OR3A3: variants seen among roughly 807,000 people sequenced by gnomAD.
OR3A3 encodes olfactory receptor family 3 subfamily A member 3.
For missense variants in OR3A3, 275 were observed against 391.4 expected (o/e 0.70, Z 2.51); for synonymous variants, 103 against 163.9 (o/e 0.63, Z 2.84).
At chr17:3,419,341 T>C (rs930674830) in intron 2 of OR3A3, among the ~76,000 whole-genome samples, 1 of 152,240 alleles carries the variant, frequency 6.6e-6, no homozygotes, top group Non-Finnish European at 1.5e-5. Flanking sequence ...CAATATTTTC[T>C]AGTTTCTCTG....
intron 2 of OR3A3, among the ~76,000 whole-genome samples, chr17:3,413,967 C>T (rs67283590): frequency 0.58 from 87,618 of 152,002 alleles, 26,541 homozygotes; most frequent in East Asian, 0.87. Flanking sequence ...ATTTGGAAGG[C>T]TGGTCATCGA....
At chr17:3,419,866 C>T (rs1017526580) in intron 2 of OR3A3, among the ~76,000 whole-genome samples, 3 of 151,478 alleles carry the variant, frequency 2.0e-5, no homozygotes, top group East Asian at 1.9e-4. Context: ...CCCAGGTTCA[C>T]GCCATTCTCC....
chr17:3,412,352 T>A (rs906713923), intron 2 of OR3A3, among the ~76,000 whole-genome samples, 181 bp downstream of exon 2: 19 of 147,140 alleles, frequency 1.3e-4, no homozygotes, highest in African/African-American at 4.3e-4. Context: ...TGCTCGCCTC[T>A]CTCAGATGAA....
At chr17:3,421,330 A>C (rs754063780) in exon 3 of OR3A3, 1 of 1,613,972 alleles carries the variant, frequency 6.2e-7, no homozygotes, top group African/African-American at 1.3e-5. Context: ...CTCCCACCTC[A>C]CTGTGGTGGG....
chr17:3,422,295 A>C (rs7212081), exon 3 of OR3A3: 69,602 of 151,620 alleles, frequency 0.46, 17,233 homozygotes, highest in Non-Finnish European at 0.58. Context: ...TTAATACATA[A>C]GTGATATACC....
At chr17:3,411,812 G>A (rs1401417874) in intron 1 of OR3A3, among the ~76,000 whole-genome samples, 166 bp from the exon 2 acceptor site, 3 of 152,184 alleles carry the variant, frequency 2.0e-5, no homozygotes, top group Non-Finnish European at 2.9e-5. Context: ...AAGCAGAGCC[G>A]ACATCATCTG....
exon 3 of OR3A3, chr17:3,421,440 C>T: frequency 6.2e-7 from 1 of 1,604,970 alleles, no homozygotes; most frequent in Non-Finnish European, 8.5e-7. Context: ...CTGTGATCAA[C>T]CCCATGCTGA....
chr17:3,416,474 C>A (rs977750385), intron 2 of OR3A3, among the ~76,000 whole-genome samples: 2 of 149,868 alleles, frequency 1.3e-5, no homozygotes, highest in Non-Finnish European at 1.5e-5. Flanking sequence ...TGGAAGCTTT[C>A]TTCTTTTATA....
intron 2 of OR3A3, among the ~76,000 whole-genome samples, chr17:3,413,226 G>C (rs2072371546): frequency 6.6e-6 from 1 of 152,196 alleles, no homozygotes. Flanking sequence ...GACAGGGAAA[G>C]AGAGAAACAG....
chr17:3,421,381 G>T, exon 3 of OR3A3: 1 of 1,614,130 alleles, frequency 6.2e-7, no homozygotes, highest in Non-Finnish European at 8.5e-7. Context: ...CATGAGGCTG[G>T]GTTCAGTGGA....
At chr17:3,421,750 C>A in exon 3 of OR3A3, 1 of 493,622 alleles carries the variant, frequency 2.0e-6, no homozygotes, top group Non-Finnish European at 3.4e-6. Context: ...TCTTCTAGGG[C>A]ATTGGTGAGC....
intron 2 of OR3A3, among the ~76,000 whole-genome samples, chr17:3,413,282 A>C (rs1220109329): frequency 3.3e-5 from 5 of 152,184 alleles, no homozygotes. Flanking sequence ...TTGAGATGGG[A>C]AAGTTTCACG....
chr17:3,420,677 T>C, exon 3 of OR3A3: 2 of 1,539,718 alleles, frequency 1.3e-6, no homozygotes, highest in Admixed American at 3.8e-5. Flanking sequence ...CCAGTTGTCT[T>C]TGTGCTCCTC....
intron 2 of OR3A3, among the ~76,000 whole-genome samples, chr17:3,413,508 T>G (rs904970312): frequency 6.6e-6 from 1 of 152,156 alleles, no homozygotes; most frequent in Non-Finnish European, 1.5e-5. Context: ...TCCCAAGTCA[T>G]GTGATCTTAG....
intron 2 of OR3A3, 105 bp from the exon 3 acceptor site, chr17:3,420,475 G>C (rs1020135842): frequency 1.3e-6 from 2 of 1,534,720 alleles, no homozygotes; most frequent in South Asian, 1.3e-5. Context: ...GGAGGAGTGA[G>C]GGATGGCCTG....
chr17:3,419,087 T>A (rs1466743034), intron 2 of OR3A3, among the ~76,000 whole-genome samples: 8 of 152,276 alleles, frequency 5.3e-5, no homozygotes, highest in Non-Finnish European at 8.8e-5. Flanking sequence ...ACAGAAAAAA[T>A]AATTTTAAAT....
intron 2 of OR3A3, among the ~76,000 whole-genome samples, chr17:3,412,557 C>T (rs1454067016): frequency 6.7e-6 from 1 of 148,222 alleles, no homozygotes; most frequent in Non-Finnish European, 1.5e-5. Context: ...CGAGAGTGGT[C>T]GTGCAGGAGG....
chr17:3,423,130 A>G (rs1262687769), exon 3 of OR3A3: 1 of 152,192 alleles, frequency 6.6e-6, no homozygotes, highest in Non-Finnish European at 1.5e-5. Context: ...GTGATCTTAG[A>G]AAGTTCCTTA....
intron 2 of OR3A3, among the ~76,000 whole-genome samples, chr17:3,418,874 A>G (rs2072408300): frequency 6.6e-6 from 1 of 152,158 alleles, no homozygotes; most frequent in Admixed American, 6.6e-5. Context: ...AGTTTGACAT[A>G]ATTCAGTATG....
Sources: allele counts gnomAD v4.1 joint callset (sites outside exome capture counted in the v4.1 genomes callset), GRCh38; gene constraint gnomAD v4.1.1; transcripts MANE v1.5; gene names NCBI Gene and HGNC (gene_info 2026-07-23, HGNC 2026-07-21).